HAUS5: variants seen among roughly 807,000 people sequenced by gnomAD.
HAUS5 encodes HAUS augmin like complex subunit 5.
In HAUS5, 67 loss-of-function variants were observed where a neutral mutation model predicts 94.1. The observed-to-expected ratio is 0.71, with a 90% CI of 0.58 to 0.87. The LOEUF is 0.87. HAUS5 is among the 40% of genes least tolerant of loss of function. HAUS5 has a pLI of 0.00. For missense variants in HAUS5, 739 were observed against 825.6 expected, an observed-to-expected ratio of 0.90 and a Z score of 1.29; for synonymous variants, 339 against 355.4, an observed-to-expected ratio of 0.95 and a Z score of 0.52.
intron 4 of HAUS5, 196 bp downstream of exon 4, chr19:35,614,255 C>G: frequency 1.6e-6 from 1 of 628,234 alleles, no homozygotes; most frequent in Admixed American, 2.5e-5. Context: ...CACCTGTAAT[C>G]CCAGCACTTT....
At chr19:35,619,218 T>A (rs1967162912) in intron 13 of HAUS5, among the ~76,000 whole-genome samples, 169 bp downstream of exon 13, 1 of 152,028 alleles carries the variant, frequency 6.6e-6, no homozygotes, top group African/African-American at 2.4e-5. Flanking sequence ...AAGTGAGGTA[T>A]GATCACACCA....
chr19:35,613,570 TA>T (rs34133946), intron 1 of HAUS5, 159 bp from the exon 2 acceptor site: 147,838 of 493,020 alleles, frequency 0.3, 5,067 homozygotes, highest in South Asian at 0.35. Flanking sequence ...GACTGTCTCT[TA>T]AAAAAAAAAA....
At chr19:35,618,024 A>T in intron 9 of HAUS5, 47 bp from the exon 10 acceptor site, 1 of 1,592,210 alleles carries the variant, frequency 6.3e-7, no homozygotes, top group Non-Finnish European at 8.6e-7. Context: ...GTCTCAGCTC[A>T]CAGCCCTGCC....
In HAUS5 at chr19:35,622,709, A is replaced by C; in HGVS notation, c.1760A>C (p.Glu587Ala). The C allele has an allele frequency of 6.2e-7, 1 of 1,614,018 alleles. No homozygotes were observed. ...AAACAGGCACTGGAGCGAATCCCTG[A>C]GCTGCAGGGGATCGTGGGGGACTGG... is the stretch of plus-strand genomic sequence containing the variant. The part of the protein sequence containing the change: ...LLKQALERIP[E>A]LQGIVGDWWE... The change falls in exon 18 of 19, where the codon GAG (glutamate) becomes GCG (alanine). Residue 587 changes from glutamate to alanine, a missense_variant. Transcript: ENST00000203166.
intron 4 of HAUS5, among the ~76,000 whole-genome samples, chr19:35,614,626 C>G (rs1464090069): frequency 6.6e-6 from 1 of 151,964 alleles, no homozygotes; most frequent in African/African-American, 2.4e-5. Flanking sequence ...TAGCTGGGCG[C>G]AGAGAGGTGG....
chr19:35,619,791 A>T (rs1431903745), intron 15 of HAUS5, 33 bp downstream of exon 15: 1 of 1,514,906 alleles, frequency 6.6e-7, no homozygotes, highest in Non-Finnish European at 8.8e-7. Context: ...CCTGCCCTGC[A>T]TCCCCTGCCA....
At chr19:35,621,447 A>G (rs943577367) in intron 17 of HAUS5, among the ~76,000 whole-genome samples, 5 of 152,100 alleles carry the variant, frequency 3.3e-5, no homozygotes, top group Non-Finnish European at 7.4e-5. Context: ...GGCTCAAGCC[A>G]TCCTCCTGCC....
intron 4 of HAUS5, chr19:35,614,351 T>A (rs2071922235): frequency 6.8e-6 from 3 of 442,920 alleles, no homozygotes; most frequent in Non-Finnish European, 1.2e-5. Context: ...AAGATGTGGT[T>A]TGGGAGGCGG....
chr19:35,613,581 A>G (rs1285375282), intron 1 of HAUS5, 149 bp from the exon 2 acceptor site: 1 of 620,524 alleles, frequency 1.6e-6, no homozygotes, highest in Non-Finnish European at 2.8e-6. Context: ...AAAAAAAAAA[A>G]AAAAAAAAAG....
At chr19:35,619,143 T>C in intron 13 of HAUS5, 94 bp downstream of exon 13, 1 of 1,292,132 alleles carries the variant, frequency 7.7e-7, no homozygotes, top group Non-Finnish European at 1.0e-6. Flanking sequence ...TGGTAGCACA[T>C]GCCTGTGGTT....
Position 35,618,904 on chromosome 19 carries a change from G to A in HAUS5, c.1034G>A (p.Gly345Glu), listed in dbSNP as rs754034342. 2 of 1,608,690 alleles carry A rather than the reference G, an allele frequency of 1.2e-6. No individual in the cohort carries two copies. Among genetic ancestry groups the A allele is most frequent in the South Asian group, 1.1e-5 (1 of 90,532 alleles). ...GSSERQVLILGLRRCCLWTEL... is the reference protein window; with the variant it reads ...GSSERQVLILELRRCCLWTEL... ...CCCTGCAGGCAGGTGCTGATACTGG[G>A]GCTTCGGCGCTGTTGCCTGTGGACG... Residue 345 changes from glycine to glutamate, a missense_variant, in exon 13 of 19, where the codon GGG becomes GAG. By Grantham distance (98) the Gly-to-Glu change is moderately conservative. Coordinates refer to ENST00000203166, the MANE Select transcript of HAUS5 (RefSeq NM_015302.2).
rs1458813037 is a variant in HAUS5 at position 35,612,756 on chromosome 19, A to G, written c.-39A>G. On this transcript the variant is annotated 5_prime_UTR_variant, in exon 1 of 19. Transcript: ENST00000203166. Reference sequence around the variant, plus strand: ...CGTCAGAGGCGGGCGCCACACTTGAAGAGGCTGAGGGAGGCGGTGTCGCCG... The same window carrying G: ...CGTCAGAGGCGGGCGCCACACTTGAGGAGGCTGAGGGAGGCGGTGTCGCCG... The G allele has an allele frequency of 6.9e-7, 1 of 1,459,694 alleles. No homozygotes were observed. Among genetic ancestry groups the G allele is most frequent in the Admixed American group, 2.3e-5 (1 of 44,370 alleles). 90.4% of individuals were successfully genotyped at this position (1,459,694 alleles called of 1,614,324 possible).
intron 14 of HAUS5, 29 bp from the exon 15 acceptor site, chr19:35,619,584 G>GCGGCCCCCCCCCCCC: frequency 6.5e-7 from 1 of 1,533,894 alleles, no homozygotes; most frequent in Non-Finnish European, 8.9e-7. Flanking sequence ...ATGTTGTGAT[G>GCGGCCCCCCCCCCCC]CCCCACCCAC....
Position 35,617,950 on chromosome 19 carries a change from C to T in HAUS5, c.696+38C>T, listed in dbSNP as rs149011630. On this transcript the variant is annotated intron_variant, in intron 9 of 18. Coordinates refer to ENST00000203166, the MANE Select transcript of HAUS5 (RefSeq NM_015302.2). ...GGCTCTCAGGAAAGCCACACCCTCCCGCTCCTTGATCAAAACTTAGGGTGC... is the reference window on the plus strand; with the variant it reads ...GGCTCTCAGGAAAGCCACACCCTCCTGCTCCTTGATCAAAACTTAGGGTGC... 5.1e-4 allele frequency: 827 copies of T among 1,610,340 alleles called. 1 individual carries two copies. The African/African-American group carries it at 5.9e-3, about 11-fold the overall frequency.
In HAUS5 at chr19:35,615,182, G is replaced by A. The variant is rs200200263; in HGVS notation, c.325+35G>A. On this transcript the variant is annotated intron_variant, in intron 5 of 18. Coordinates refer to ENST00000203166, the MANE Select transcript of HAUS5 (RefSeq NM_015302.2). Reference sequence around the variant, plus strand: ...GGGGCCAGAAGATGGGCACCAGAATGTGGGGCGGGAAAGGTGCTGATGGCC... The same window carrying A: ...GGGGCCAGAAGATGGGCACCAGAATATGGGGCGGGAAAGGTGCTGATGGCC... 1,145 of 1,611,962 alleles carry A rather than the reference G, an allele frequency of 7.1e-4. 3 individuals are homozygous for A. The highest frequency in any genetic ancestry group is 5.8e-3 in the Middle Eastern group (35 of 6,054).
At chr19:35,615,775 C>CA (rs2071937423) in intron 6 of HAUS5, among the ~76,000 whole-genome samples, 1 of 152,122 alleles carries the variant, frequency 6.6e-6, no homozygotes, top group Non-Finnish European at 1.5e-5. Flanking sequence ...CGAGGGTGGT[C>CA]AGCGAAGGCC....
intron 17 of HAUS5, among the ~76,000 whole-genome samples, chr19:35,622,370 G>A (rs933176730): frequency 6.6e-6 from 1 of 151,302 alleles, no homozygotes; most frequent in Non-Finnish European, 1.5e-5. Flanking sequence ...GGGGCTGGGG[G>A]TGGTGGACTG....
intron 1 of HAUS5, 43 bp downstream of exon 1, chr19:35,612,935 T>A: frequency 7.4e-7 from 1 of 1,345,798 alleles, no homozygotes; most frequent in Non-Finnish European, 1.0e-6. Flanking sequence ...CCCTGGAGAT[T>A]GAGTCTCCGG....
rs745554496 is a variant in HAUS5 at position 35,618,993 on chromosome 19, C to T, written c.1123C>T (p.Leu375=). The change falls in exon 13 of 19, where the codon CTG becomes TTG. Residue 375 remains leucine (L), a synonymous_variant. Coordinates refer to ENST00000203166, the MANE Select transcript of HAUS5 (RefSeq NM_015302.2). ...LQDAAGHRQL[L]LRELQAKQQR... is the part of the protein sequence containing the mutation. ...GGATGCAGCTGGGCATCGGCAGCTC[C>T]TGCTGAGGGAGCTACAGGCCAAACA... 3.1e-6 allele frequency: 5 copies of T among 1,612,606 alleles called. No homozygotes were observed. In the South Asian group the frequency reaches 4.4e-5, roughly 14 times the overall value.
Sources: allele counts gnomAD v4.1 joint callset (sites outside exome capture counted in the v4.1 genomes callset), GRCh38; gene constraint gnomAD v4.1.1; transcripts MANE v1.5; gene names NCBI Gene and HGNC (gene_info 2026-07-23, HGNC 2026-07-21).